Variants in INTS6 observed in about 807,000 individuals in gnomAD.
INTS6 encodes the protein integrator complex subunit 6, also known as DEAD box protein.
INTS6 carries 16 observed loss-of-function variants against 104.9 expected under a neutral mutation model. That is an observed-to-expected ratio of 0.15 (90% CI 0.10 to 0.23). The LOEUF is 0.23. INTS6 is among the 10% of genes least tolerant of loss of function. The probability of loss-of-function intolerance (pLI) is 1.00; values close to 1 mark genes in which losing one functional copy is unlikely to be tolerated. For missense variants in INTS6, 584 were observed against 1,062.8 expected, an observed-to-expected ratio of 0.55 and a Z score of 6.26; for synonymous variants, 324 against 358.7, an observed-to-expected ratio of 0.90 and a Z score of 1.09.
the INTS6 span, chr13:51,348,628 C>G: frequency 2.5e-6 from 1 of 408,094 alleles, no homozygotes. Context: ...CTGAAATGAA[C>G]TAACTTCCCA....
chr13:51,410,962 A>C (rs926837195), intron 4 of INTS6, among the ~76,000 whole-genome samples: 2 of 152,158 alleles, frequency 1.3e-5, no homozygotes, highest in Non-Finnish European at 2.9e-5. Flanking sequence ...CTGTTATCCC[A>C]GCACTTTGGG....
chr13:51,381,701 GT>G (rs57189672), intron 10 of INTS6, among the ~76,000 whole-genome samples: 6,578 of 143,446 alleles, frequency 0.046, 155 homozygotes, highest in East Asian at 0.1. Flanking sequence ...CAAGTTTTTT[GT>G]TTTTTTTTTT....
At chr13:51,366,263 T>A (rs1566202440) in intron 17 of INTS6, among the ~76,000 whole-genome samples, 1 of 151,980 alleles carries the variant, frequency 6.6e-6, no homozygotes, top group African/African-American at 2.4e-5. Context: ...GTGAACAAAG[T>A]ATGAATATAA....
intron 5 of INTS6, among the ~76,000 whole-genome samples, chr13:51,390,257 G>C (rs986961379): frequency 6.6e-6 from 1 of 151,876 alleles, no homozygotes; most frequent in Non-Finnish European, 1.5e-5. Flanking sequence ...GAAATGTATA[G>C]TAAGTAAAAT....
chr13:51,380,917 T>C (rs185145837), intron 10 of INTS6, among the ~76,000 whole-genome samples: 4 of 152,260 alleles, frequency 2.6e-5, no homozygotes, highest in Admixed American at 2.6e-4. Flanking sequence ...CAAAAACTAT[T>C]GTGCACCCTT....
At chr13:51,377,252 T>C (rs1955952226) in intron 12 of INTS6, among the ~76,000 whole-genome samples, 1 of 152,166 alleles carries the variant, frequency 6.6e-6, no homozygotes, top group Non-Finnish European at 1.5e-5. Context: ...ATGAATTCTT[T>C]ATATATTTTG....
chr13:51,405,959 T>C (rs1956556448), intron 4 of INTS6, among the ~76,000 whole-genome samples: 1 of 152,196 alleles, frequency 6.6e-6, no homozygotes, highest in African/African-American at 2.4e-5. Context: ...TTGGAGATTT[T>C]CAAATCTGGC....
chr13:51,391,707 T>C (rs1256714302), intron 5 of INTS6, among the ~76,000 whole-genome samples: 1 of 152,176 alleles, frequency 6.6e-6, no homozygotes, highest in Non-Finnish European at 1.5e-5. Flanking sequence ...CTAAATATAG[T>C]GAGTCTAAAG....
chr13:51,433,119 G>A (rs188142324), intron 3 of INTS6, among the ~76,000 whole-genome samples: 6 of 152,242 alleles, frequency 3.9e-5, no homozygotes, highest in African/African-American at 1.2e-4. Flanking sequence ...TTTGTAGTAG[G>A]GTCTTCTATA....
In INTS6 at chr13:51,373,446, T is replaced by G. The variant is rs558325002; in HGVS notation, c.2104+762A>C. On this transcript the variant is annotated intron_variant, in intron 15 of 17. Coordinates refer to ENST00000311234, the MANE Select transcript of INTS6 (RefSeq NM_012141.3). ...CTAATCAGATTAGGTCACCATCATT[T>G]TAAGCCTTTCAGTGGATTCTCACTG... Among the ~76,000 whole-genome samples, 24 of 152,318 alleles carry G rather than the reference T, an allele frequency of 1.6e-4. 1 individual carries two copies. In the South Asian group the frequency reaches 5.0e-3, roughly 32 times the overall value.
the INTS6 span, chr13:51,346,880 T>C: frequency 1.6e-6 from 1 of 626,200 alleles, no homozygotes; most frequent in South Asian, 1.9e-5. Context: ...AAAAAGATAT[T>C]GTAAGATGAA....
Position 51,355,075 on chromosome 13 carries a change from G to A in INTS6, n.431-739C>T, listed in dbSNP as rs1955459275. 5 of 1,547,924 alleles carry A rather than the reference G, an allele frequency of 3.2e-6. No homozygotes were observed. The highest frequency in any genetic ancestry group is 2.4e-5 in the East Asian group (1 of 41,590). The stretch of plus-strand genomic sequence containing the variant: ...ATCCAAAATCAATTCAACTTAAAAA[G>A]CATTTTAAATTCTTGGGGAGTCACC... On this transcript the variant is annotated intron_variant and non_coding_transcript_variant, in intron 3 of 3. Transcript: ENST00000476666.
intron 4 of INTS6, among the ~76,000 whole-genome samples, chr13:51,406,288 T>C (rs971806071): frequency 6.6e-6 from 1 of 152,170 alleles, no homozygotes; most frequent in Non-Finnish European, 1.5e-5. Flanking sequence ...TTCTGCCTCA[T>C]GACACACCCC....
Position 51,364,369 on chromosome 13 carries a change from G to T in INTS6, c.*1383C>A. 2 of 712,148 alleles carry T rather than the reference G, an allele frequency of 2.8e-6. No homozygotes were observed. The highest frequency in any genetic ancestry group is 4.4e-6 in the Non-Finnish European group (2 of 452,742). 44.1% of individuals were successfully genotyped at this position (712,148 alleles called of 1,614,324 possible). ...ACCCTTGAAATTTAAAAAAATGTCT[G>T]ATAAAGTGTAAAAAGCTAAGGGTAT... On this transcript the variant is annotated 3_prime_UTR_variant, in exon 18 of 18. Transcript: ENST00000311234.
At position 51,364,105 on chromosome 13, in the gene INTS6, G is replaced by A; in HGVS notation, c.*1647C>T. On this transcript the variant is annotated 3_prime_UTR_variant, in exon 18 of 18. Transcript: ENST00000311234. ...AATGAATTTAGCAATGTGACTACAGGCAATTACCTTAACAATTCCATCTAT... is the reference window on the plus strand; with the variant it reads ...AATGAATTTAGCAATGTGACTACAGACAATTACCTTAACAATTCCATCTAT... 1 of 432,666 alleles carries A rather than the reference G, an allele frequency of 2.3e-6. No individual in the cohort carries two copies. The highest frequency in any genetic ancestry group is 6.8e-5 in the South Asian group (1 of 14,690). 26.8% of individuals were successfully genotyped at this position (432,666 alleles called of 1,614,324 possible).
At chr13:51,411,445 C>T (rs770756832) in intron 4 of INTS6, among the ~76,000 whole-genome samples, 8 of 151,090 alleles carry the variant, frequency 5.3e-5, no homozygotes, top group Middle Eastern at 3.4e-3. Context: ...CCCAGCTACC[C>T]GGGAGGCTGA....
intron 3 of INTS6, among the ~76,000 whole-genome samples, chr13:51,436,081 C>A (rs1952680017): frequency 6.6e-6 from 1 of 151,980 alleles, no homozygotes; most frequent in South Asian, 2.1e-4. Context: ...AAATATTCAT[C>A]TTAAGACATT....
At chr13:51,348,104 T>G in the INTS6 span, 1 of 793,290 alleles carries the variant, frequency 1.3e-6, no homozygotes, top group Non-Finnish European at 2.0e-6. Flanking sequence ...AGGTGGATGC[T>G]CGGTTTTATT....
At chr13:51,399,723 C>CGT (rs1255845541) in intron 4 of INTS6, among the ~76,000 whole-genome samples, 1 of 117,322 alleles carries the variant, frequency 8.5e-6, no homozygotes, top group Non-Finnish European at 2.1e-5. Context: ...TGTGTGTGTG[C>CGT]GTGTGTGTGC....
Sources: gnomAD v4.1 joint callset for allele counts (sites outside exome capture counted in the v4.1 genomes callset) on GRCh38, gnomAD v4.1.1 for gene constraint, MANE v1.5 for transcripts, NCBI Gene and HGNC (gene_info 2026-07-23, HGNC 2026-07-21) for gene names.